Variants in NLGN1 observed in about 807,000 individuals in gnomAD.
NLGN1 encodes the protein neuroligin 1.
A neutral mutation model predicts 65.5 loss-of-function variants in NLGN1; 12 were observed. That is an observed-to-expected ratio of 0.18 (90% CI 0.12 to 0.30). The LOEUF (loss-of-function observed/expected upper bound fraction) is 0.30. Ranked by LOEUF, NLGN1 falls within the 10% of genes least tolerant of loss-of-function variation. NLGN1 has a pLI of 1.00. For missense variants in NLGN1, 750 were observed against 1,007.1 expected (o/e 0.74, Z 3.46); for synonymous variants, 350 against 359.5 (o/e 0.97, Z 0.30).
In NLGN1 at chr3:174,019,825, G is replaced by GTAAC. The variant is rs560915179; in HGVS notation, c.646+211995_646+211998dup. Among the ~76,000 whole-genome samples the GTAAC allele has an allele frequency of 1.4e-3, 211 of 152,168 alleles. 1 individual carries two copies. The highest frequency in any genetic ancestry group is 4.8e-3 in the African/African-American group (201 of 41,538). ...TACGCACTAGAACAAATGATTGACT[G>GTAAC]TAACTGAAATAGTAATATATAAATA... On this transcript the variant is annotated intron_variant, in intron 4 of 6. Coordinates refer to ENST00000457714, the Ensembl canonical transcript of NLGN1.
intron 3 of NLGN1, among the ~76,000 whole-genome samples, chr3:173,792,884 T>C (rs1713127623): frequency 1.3e-5 from 2 of 152,186 alleles, no homozygotes; most frequent in Admixed American, 6.6e-5. Context: ...TTATTTTTGC[T>C]CATGAATTTC....
At chr3:173,887,819 C>T (rs573973349) in intron 4 of NLGN1, among the ~76,000 whole-genome samples, 1 of 151,976 alleles carries the variant, frequency 6.6e-6, no homozygotes, top group Admixed American at 6.6e-5. Flanking sequence ...AACTATCAAT[C>T]TGTATTAGTA....
At chr3:174,183,831 G>A (rs1730891991) in intron 4 of NLGN1, among the ~76,000 whole-genome samples, 1 of 152,166 alleles carries the variant, frequency 6.6e-6, no homozygotes, top group Non-Finnish European at 1.5e-5. Flanking sequence ...CTAGGTACTG[G>A]AAGTTGTGTC....
At chr3:173,929,919 G>A (rs751145486) in intron 4 of NLGN1, among the ~76,000 whole-genome samples, 54 of 152,074 alleles carry the variant, frequency 3.6e-4, no homozygotes, top group Non-Finnish European at 4.7e-4. Context: ...GGTCAGGCTG[G>A]TCTCGAACTC....
At chr3:173,479,925 A>C (rs1189218182) in intron 2 of NLGN1, among the ~76,000 whole-genome samples, 1 of 152,156 alleles carries the variant, frequency 6.6e-6, no homozygotes, top group East Asian at 1.9e-4. Context: ...TAAAGTGAGA[A>C]GGATCAGAGT....
intron 4 of NLGN1, among the ~76,000 whole-genome samples, chr3:174,088,858 A>G (rs2152562298): frequency 6.6e-6 from 1 of 152,132 alleles, no homozygotes; most frequent in Middle Eastern, 3.4e-3. Flanking sequence ...CAAATATTTC[A>G]AGACACAGTA....
chr3:173,938,885 A>G (rs759032704), intron 4 of NLGN1, among the ~76,000 whole-genome samples: 3 of 152,198 alleles, frequency 2.0e-5, no homozygotes, highest in Non-Finnish European at 4.4e-5. Flanking sequence ...ATGGTGATCT[A>G]TAGCCCACAC....
At chr3:174,192,800 A>AT (rs373624859) in intron 4 of NLGN1, among the ~76,000 whole-genome samples, 1 of 151,734 alleles carries the variant, frequency 6.6e-6, no homozygotes, top group African/African-American at 2.4e-5. Flanking sequence ...TCCTTGCCTC[A>AT]TTTTTTCCCC....
chr3:173,921,321 T>C lies in NLGN1; in HGVS notation c.646+113489T>C, dbSNP rs532942504. On this transcript the variant is annotated intron_variant, in intron 4 of 6. Transcript: ENST00000457714. ...ATATATTTCTACTATATATTATATA[T>C]AGTGGAAAATAATTCAATTGATTTT... Among the ~76,000 whole-genome samples the C allele has an allele frequency of 5.7e-3, 838 of 148,164 alleles. 10 individuals carry two copies. The highest frequency in any genetic ancestry group is 0.02 in the African/African-American group (801 of 40,868).
intron 3 of NLGN1, among the ~76,000 whole-genome samples, chr3:173,731,614 C>T (rs1334254338): frequency 2.0e-5 from 3 of 152,004 alleles, no homozygotes; most frequent in Non-Finnish European, 4.4e-5. Context: ...ATTACTGCTT[C>T]CTTTTGTTTT....
chr3:173,522,272 A>G (rs1040741671), intron 2 of NLGN1, among the ~76,000 whole-genome samples: 8 of 152,238 alleles, frequency 5.3e-5, no homozygotes, highest in Non-Finnish European at 1.2e-4. Context: ...ATGTCACTGC[A>G]AATGACACTG....
At chr3:173,933,027 CA>C (rs1744388981) in intron 4 of NLGN1, among the ~76,000 whole-genome samples, 1 of 151,992 alleles carries the variant, frequency 6.6e-6, no homozygotes, top group Admixed American at 6.6e-5. Flanking sequence ...CAAAGAATCA[CA>C]AGAAGTCCTA....
intron 4 of NLGN1, among the ~76,000 whole-genome samples, chr3:173,969,554 C>T (rs895757940): frequency 3.3e-5 from 5 of 151,956 alleles, no homozygotes; most frequent in African/African-American, 1.2e-4. Context: ...AAAACTAGAG[C>T]AAGGTTTGGC....
chr3:174,215,902 A>G (rs974562097), intron 4 of NLGN1, among the ~76,000 whole-genome samples: 1 of 152,020 alleles, frequency 6.6e-6, no homozygotes, highest in African/African-American at 2.4e-5. Flanking sequence ...TCCTCTCTCC[A>G]TTCCTTTTAC....
At chr3:174,193,486 A>G (rs1426136449) in intron 4 of NLGN1, among the ~76,000 whole-genome samples, 1 of 152,190 alleles carries the variant, frequency 6.6e-6, no homozygotes, top group African/African-American at 2.4e-5. Context: ...GCGAGGTTTC[A>G]AGGAGTATCA....
At chr3:174,249,384 G>A (rs368432372) in intron 4 of NLGN1, among the ~76,000 whole-genome samples, 9 of 152,120 alleles carry the variant, frequency 5.9e-5, no homozygotes, top group East Asian at 1.9e-4. Flanking sequence ...TGTTATGAAC[G>A]TAATTAAGAG....
At chr3:173,862,030 A>T (rs1729206192) in intron 4 of NLGN1, among the ~76,000 whole-genome samples, 1 of 151,868 alleles carries the variant, frequency 6.6e-6, no homozygotes, top group South Asian at 2.1e-4. Flanking sequence ...CAGCCTCCCA[A>T]AGTGCTGGAA....
At chr3:174,135,735 T>C (rs1721086632) in intron 4 of NLGN1, among the ~76,000 whole-genome samples, 1 of 152,136 alleles carries the variant, frequency 6.6e-6, no homozygotes, top group Non-Finnish European at 1.5e-5. Flanking sequence ...TTAACTAAAA[T>C]AAAAATTGAA....
intron 4 of NLGN1, among the ~76,000 whole-genome samples, chr3:174,029,212 T>G (rs1446991983): frequency 6.6e-6 from 1 of 152,140 alleles, no homozygotes; most frequent in Non-Finnish European, 1.5e-5. Flanking sequence ...ACACTCAACA[T>G]CAGCCTGTGA....
Sources: gnomAD v4.1 joint callset for allele counts (sites outside exome capture counted in the v4.1 genomes callset) on GRCh38, gnomAD v4.1.1 for gene constraint, MANE v1.5 for transcripts, NCBI Gene and HGNC (gene_info 2026-07-23, HGNC 2026-07-21) for gene names.